Variants in KDM5A observed in about 807,000 individuals in gnomAD.
KDM5A encodes the protein lysine-specific demethylase 5A.
KDM5A carries 42 observed loss-of-function variants against 193.5 expected under a neutral mutation model. That is an observed-to-expected ratio of 0.22 (90% CI 0.17 to 0.28). The LOEUF is 0.28. KDM5A is among the 10% of genes least tolerant of loss of function. The pLI, the probability that KDM5A is intolerant of heterozygous loss-of-function variation, is 1.00. For missense variants in KDM5A, 1,692 were observed against 2,055.1 expected (o/e 0.82, Z 3.42); for synonymous variants, 796 against 718.1 (o/e 1.11, Z -1.73).
At chr12:367,984 A>G (rs1944378648) in intron 3 of KDM5A, among the ~76,000 whole-genome samples, 1 of 152,226 alleles carries the variant, frequency 6.6e-6, no homozygotes, top group Non-Finnish European at 1.5e-5. Flanking sequence ...TTGCACACCA[A>G]TGTTCACAGC....
intron 18 of KDM5A, among the ~76,000 whole-genome samples, chr12:319,142 T>C (rs922935743): frequency 1.3e-5 from 2 of 152,242 alleles, no homozygotes; most frequent in Non-Finnish European, 2.9e-5. Flanking sequence ...TTGAATTTCA[T>C]TCAAATGGCT....
At chr12:333,103 T>C (rs955786941) in intron 12 of KDM5A, 7 of 268,152 alleles carry the variant, frequency 2.6e-5, no homozygotes, top group Non-Finnish European at 5.1e-5. Flanking sequence ...TTCTATCTAA[T>C]CAAAAGCTAA....
At chr12:388,127 G>A (rs762527601) in intron 1 of KDM5A, 2 of 309,532 alleles carry the variant, frequency 6.5e-6, no homozygotes, top group South Asian at 5.3e-5. Context: ...CATTTAAAAA[G>A]CACTGGTCTA....
rs148614210 is a variant in KDM5A, at chr12:301,377, C to T, written c.4075-4177G>A. ...CAGGATGCAAGGCTGGTTCAACATA[C>T]GTGAATCAATAAACGTAATCCATCA... On this transcript the variant is annotated intron_variant, in intron 24 of 27. Transcript: ENST00000399788. Among the ~76,000 whole-genome samples, 1,134 of 152,248 alleles carry T rather than the reference C, an allele frequency of 7.4e-3. 7 individuals are homozygous for T. The highest frequency in any genetic ancestry group is 0.013 in the Non-Finnish European group (858 of 68,008).
At chr12:385,766 A>T in intron 2 of KDM5A, 131 bp downstream of exon 2, 1 of 732,926 alleles carries the variant, frequency 1.4e-6, no homozygotes, top group Non-Finnish European at 2.4e-6. Flanking sequence ...TCCAAACATC[A>T]AGTAACTATT....
chr12:333,257 A>G (rs966378453), intron 12 of KDM5A: 1 of 550,656 alleles, frequency 1.8e-6, no homozygotes, highest in Non-Finnish European at 3.3e-6. Context: ...CGTCTCTACA[A>G]AAAATACAAC....
At chr12:290,644 G>T (rs1431406438) in intron 27 of KDM5A, among the ~76,000 whole-genome samples, 16 of 151,808 alleles carry the variant, frequency 1.1e-4, no homozygotes. Context: ...CTTTCATAGA[G>T]ATTGTTTTGT....
At chr12:285,983 GT>G in intron 27 of KDM5A, 2 of 450,236 alleles carry the variant, frequency 4.4e-6, no homozygotes, top group Non-Finnish European at 8.2e-6. Context: ...CAGCCAAGTA[GT>G]TTTAGCTAAT....
chr12:335,078 A>G lies in KDM5A; in HGVS notation c.1309-656T>C, dbSNP rs756232524. ...CCACCATCACTCCTAACCATTATAC[A>G]AACACACCTAGAAATACTGGATAAA... On this transcript the variant is annotated intron_variant, in intron 10 of 27. Transcript: ENST00000399788. 1.0e-3 allele frequency among the ~76,000 whole-genome samples: 154 copies of G among 152,352 alleles called. 1 individual carries two copies. Among genetic ancestry groups the G allele is most frequent in the Non-Finnish European group, 1.8e-3 (124 of 68,036 alleles).
intron 24 of KDM5A, among the ~76,000 whole-genome samples, chr12:304,099 A>G (rs1051775315): frequency 3.3e-5 from 5 of 152,212 alleles, no homozygotes; most frequent in East Asian, 1.9e-4. Flanking sequence ...CCTTGAAATT[A>G]GTTTCCACAA....
At chr12:386,664 G>C (rs1483720938) in intron 1 of KDM5A, among the ~76,000 whole-genome samples, 2 of 152,136 alleles carry the variant, frequency 1.3e-5, no homozygotes, top group Non-Finnish European at 2.9e-5. Context: ...CCAGGCAACA[G>C]AGCGAGACCC....
chr12:333,077 A>G (rs1181281183), intron 12 of KDM5A: 1 of 229,674 alleles, frequency 4.4e-6, no homozygotes, highest in Non-Finnish European at 8.7e-6. Flanking sequence ...GTTACAAAAC[A>G]AAGCATATGT....
chr12:313,305 A>C, intron 19 of KDM5A, 111 bp from the exon 20 acceptor site: 1 of 1,274,024 alleles, frequency 7.8e-7, no homozygotes, highest in Non-Finnish European at 1.1e-6. Context: ...TTCTTACCAC[A>C]ATCCTATAAG....
chr12:291,723 T>C (rs1436933059), intron 27 of KDM5A, among the ~76,000 whole-genome samples: 4 of 152,170 alleles, frequency 2.6e-5, no homozygotes, highest in East Asian at 1.9e-4. Context: ...AAACTACAGA[T>C]TTATCAATAT....
intron 14 of KDM5A, among the ~76,000 whole-genome samples, chr12:327,187 A>G (rs1943801116): frequency 6.6e-6 from 1 of 152,234 alleles, no homozygotes; most frequent in Admixed American, 6.5e-5. Context: ...AAAGTAGCAC[A>G]AAGAAACATG....
rs761201652 is a variant in KDM5A at position 295,676 on chromosome 12, A to G, written c.4352T>C (p.Val1451Ala). Residue 1451 changes from valine (V) to alanine (A), a missense_variant, in exon 26 of 28, where the codon GTT becomes GCT. By Grantham distance (64) the Val-to-Ala change is moderately conservative. This residue lies in a region of KDM5A where 965 missense variants were observed against 1,061.0 expected (regional missense o/e 0.91). Transcript: ENST00000399788. ...CAGAGATACTTCCAGGAGATCTCCAACCATCATAAGTTCTTCCAGTTGTGC... is the reference window on the plus strand; with the variant it reads ...CAGAGATACTTCCAGGAGATCTCCAGCCATCATAAGTTCTTCCAGTTGTGC... The part of the protein sequence containing the change: ...AKAQLEELMM[V>A]GDLLEVSLDE... 4 of 1,614,048 alleles carry G rather than the reference A, an allele frequency of 2.5e-6. No homozygotes were observed. Among genetic ancestry groups the G allele is most frequent in the Non-Finnish European group, 3.4e-6 (4 of 1,180,024 alleles).
rs530980348 is a variant in KDM5A, at chr12:379,037, C to A, written c.366+4994G>T. Among the ~76,000 whole-genome samples, 4 of 150,434 alleles carry A rather than the reference C, an allele frequency of 2.7e-5. No homozygotes were observed. The East Asian group carries it at 5.8e-4, about 22-fold the overall frequency. ...CATTCCAAGTAATACTTTTTATTATCAAAAATAATAGGGAGAAAGATGAAG... is the reference window on the plus strand; with the variant it reads ...CATTCCAAGTAATACTTTTTATTATAAAAAATAATAGGGAGAAAGATGAAG... On this transcript the variant is annotated intron_variant, in intron 3 of 27. Transcript: ENST00000399788.
intron 3 of KDM5A, among the ~76,000 whole-genome samples, chr12:381,240 T>A (rs560773035): frequency 6.6e-6 from 1 of 152,216 alleles, no homozygotes; most frequent in African/African-American, 2.4e-5. Flanking sequence ...GTGATCCTCC[T>A]GCCTCAGCCT....
At position 365,927 on chromosome 12, in the gene KDM5A, A is replaced by G. The variant is rs1944351291; in HGVS notation, c.537+7T>C. 4 of 1,612,702 alleles carry G rather than the reference A, an allele frequency of 2.5e-6. No individual in the cohort carries two copies. Among genetic ancestry groups the G allele is most frequent in the Non-Finnish European group, 3.4e-6 (4 of 1,178,820 alleles). On this transcript the variant is annotated splice_region_variant and intron_variant, in intron 4 of 27. Coordinates refer to ENST00000399788, the MANE Select transcript of KDM5A (RefSeq NM_001042603.3). ...CAACTTTTTCTAAAAAGAATAATGC[A>G]TCTCACCATAAGGCTCACACCAGAC...
Sources: gnomAD v4.1 joint callset for allele counts (sites outside exome capture counted in the v4.1 genomes callset) on GRCh38, gnomAD v4.1.1 for gene constraint, gnomAD v4.1.1 regional missense constraint, MANE v1.5 for transcripts, NCBI Gene and HGNC (gene_info 2026-07-23, HGNC 2026-07-21) for gene names.